Variants in TTC17 observed in about 807,000 individuals in gnomAD.
TTC17 encodes tetratricopeptide repeat domain 17.
A neutral mutation model predicts 143.8 loss-of-function variants in TTC17; 58 were observed. The ratio of observed to expected loss-of-function variants is 0.40; its 90% confidence interval spans 0.33 to 0.50. TTC17 has a LOEUF of 0.50. Ranked by LOEUF, TTC17 falls within the 20% of genes least tolerant of loss-of-function variation. The pLI is 0.49. For synonymous variants in TTC17, 501 were observed against 497.8 expected (o/e 1.01, Z -0.09); for missense variants, 1,273 against 1,392.5 (o/e 0.91, Z 1.37).
At position 43,397,341 on chromosome 11, in the gene TTC17, C is replaced by T. The variant is rs1378165177; in HGVS notation, c.774-6C>T. 1 of 1,605,826 alleles carries T rather than the reference C, an allele frequency of 6.2e-7. No homozygotes were observed. Among genetic ancestry groups the T allele is most frequent in the South Asian group, 1.1e-5 (1 of 90,678 alleles). ...ATAATCATGGAATATGTGCTGCTTT[C>T]CTTAGGCACAATAAAGACATTGCCC... is the stretch of plus-strand genomic sequence containing the variant. On this transcript the variant is annotated splice_polypyrimidine_tract_variant and splice_region_variant and intron_variant, in intron 6 of 23. Coordinates refer to ENST00000039989, the MANE Select transcript of TTC17 (RefSeq NM_018259.6).
intron 21 of TTC17, among the ~76,000 whole-genome samples, chr11:43,459,651 C>G (rs1347937514): frequency 6.6e-6 from 1 of 152,210 alleles, no homozygotes; most frequent in Non-Finnish European, 1.5e-5. Context: ...CAGCTAGACA[C>G]TGGCTTAAAT....
chr11:43,485,240 A>ATTTT (rs1319094577), intron 21 of TTC17, among the ~76,000 whole-genome samples: 1 of 152,172 alleles, frequency 6.6e-6, no homozygotes, highest in Admixed American at 6.5e-5. Flanking sequence ...GAACTGTGAT[A>ATTTT]TATTAAAAAA....
chr11:43,412,525 A>T (rs1364074895), intron 15 of TTC17, among the ~76,000 whole-genome samples: 1 of 152,180 alleles, frequency 6.6e-6, no homozygotes, highest in South Asian at 2.1e-4. Flanking sequence ...CAATATTTAT[A>T]TACTGATTAC....
In TTC17 at chr11:43,461,467, A is replaced by G. The variant is rs529562210; in HGVS notation, c.3030+10202A>G. ...TAAAGTGCTAGAATAAGAAAACTGC[A>G]GGCTTAGAATTCTAAACCAGCCAAA... On this transcript the variant is annotated intron_variant, in intron 21 of 23. Coordinates refer to ENST00000039989, the MANE Select transcript of TTC17 (RefSeq NM_018259.6). 9.9e-5 allele frequency among the ~76,000 whole-genome samples: 15 copies of G among 151,958 alleles called. No individual in the cohort carries two copies. In the East Asian group the frequency reaches 2.9e-3, roughly 29 times the overall value.
chr11:43,441,408 TA>T (rs757958476), intron 16 of TTC17, among the ~76,000 whole-genome samples: 7 of 151,520 alleles, frequency 4.6e-5, no homozygotes, highest in African/African-American at 1.5e-4. Flanking sequence ...TTTTTCCCTC[TA>T]AAAAAAAATT....
At chr11:43,461,969 G>C (rs1385432952) in intron 21 of TTC17, among the ~76,000 whole-genome samples, 1 of 151,870 alleles carries the variant, frequency 6.6e-6, no homozygotes, top group African/African-American at 2.4e-5. Context: ...AGGAAGTCAA[G>C]GGAAGATAAA....
At chr11:43,454,862 A>G (rs951207825) in intron 21 of TTC17, among the ~76,000 whole-genome samples, 10 of 152,152 alleles carry the variant, frequency 6.6e-5, no homozygotes, top group African/African-American at 2.4e-4. Context: ...AAAATATACC[A>G]CATAATACCA....
chr11:43,424,545 G>A (rs1456429715), intron 16 of TTC17, among the ~76,000 whole-genome samples: 4 of 151,900 alleles, frequency 2.6e-5, no homozygotes, highest in African/African-American at 7.3e-5. Flanking sequence ...CGAGGCAGGC[G>A]GATCCCCTGA....
chr11:43,457,552 A>G (rs562889124), intron 21 of TTC17, among the ~76,000 whole-genome samples: 42 of 152,324 alleles, frequency 2.8e-4, no homozygotes, highest in African/African-American at 9.6e-4. Flanking sequence ...TAAGATAACT[A>G]CAATTAATAT....
At chr11:43,433,075 G>T (rs7102733) in intron 16 of TTC17, among the ~76,000 whole-genome samples, 1 of 152,142 alleles carries the variant, frequency 6.6e-6, no homozygotes, top group Non-Finnish European at 1.5e-5. Context: ...GTCTCGGCTC[G>T]CTGCAACCTC....
chr11:43,378,250 C>T (rs1722179637), intron 1 of TTC17, among the ~76,000 whole-genome samples: 1 of 152,108 alleles, frequency 6.6e-6, no homozygotes, highest in South Asian at 2.1e-4. Flanking sequence ...ACAGTTTCTT[C>T]CCTCCCCCAA....
At chr11:43,483,538 G>A (rs1239172291) in intron 21 of TTC17, among the ~76,000 whole-genome samples, 1 of 151,832 alleles carries the variant, frequency 6.6e-6, no homozygotes, top group African/African-American at 2.4e-5. Flanking sequence ...GACCAAATTG[G>A]GTTTATCCCA....
At chr11:43,485,473 T>C (rs1700357847) in intron 21 of TTC17, among the ~76,000 whole-genome samples, 1 of 152,130 alleles carries the variant, frequency 6.6e-6, no homozygotes, top group South Asian at 2.1e-4. Context: ...AGACACAAAA[T>C]AACTATAAAA....
chr11:43,448,054 C>G lies in TTC17; in HGVS notation c.2718C>G (p.Leu906=), dbSNP rs1947583974. Residue 906 remains leucine, a synonymous_variant, in exon 19 of 24, where the codon CTC becomes CTG. Transcript: ENST00000039989. ...RLGWPSPDEC[L]KLRWVELTAI... ...GATGGCCCAGCCCGGACGAATGCCTCAAACTCCGCTGGGTAGAGCTGACTG... is the reference window on the plus strand; with the variant it reads ...GATGGCCCAGCCCGGACGAATGCCTGAAACTCCGCTGGGTAGAGCTGACTG... 8 of 1,614,150 alleles carry G rather than the reference C, an allele frequency of 5.0e-6. No homozygotes were observed. The highest frequency in any genetic ancestry group is 6.8e-6 in the Non-Finnish European group (8 of 1,180,006).
intron 23 of TTC17, 98 bp downstream of exon 23, chr11:43,492,261 C>G: frequency 6.9e-7 from 1 of 1,446,920 alleles, no homozygotes. Context: ...CCACCAATTT[C>G]CTGTAAGCTT....
At chr11:43,480,101 G>A (rs192847915) in intron 21 of TTC17, among the ~76,000 whole-genome samples, 2 of 152,350 alleles carry the variant, frequency 1.3e-5, no homozygotes, top group African/African-American at 4.8e-5. Context: ...GGTTTGCAGA[G>A]TGCCAGCAGT....
intron 15 of TTC17, among the ~76,000 whole-genome samples, chr11:43,411,148 T>A (rs1226557361): frequency 6.6e-6 from 1 of 152,238 alleles, no homozygotes; most frequent in Non-Finnish European, 1.5e-5. Flanking sequence ...TTTGTAATGA[T>A]GTAGAAGGTC....
intron 1 of TTC17, among the ~76,000 whole-genome samples, chr11:43,361,041 G>A (rs1663579025): frequency 6.6e-6 from 1 of 152,106 alleles, no homozygotes; most frequent in African/African-American, 2.4e-5. Flanking sequence ...ACAATAAGAG[G>A]CCAGGGGAGG....
At chr11:43,444,624 G>A in intron 18 of TTC17, 1 of 153,294 alleles carries the variant, frequency 6.5e-6, no homozygotes, top group Non-Finnish European at 1.4e-5. Flanking sequence ...ATAAGCAGAG[G>A]GTATCAATAT....
Sources: allele counts gnomAD v4.1 joint callset (sites outside exome capture counted in the v4.1 genomes callset), GRCh38; gene constraint gnomAD v4.1.1; transcripts MANE v1.5; gene names NCBI Gene and HGNC (gene_info 2026-07-23, HGNC 2026-07-21).